Variants in PRTG observed in about 807,000 individuals in gnomAD.
The protein encoded by PRTG is immunoglobulin superfamily, DCC subclass, member 5.
PRTG carries 67 observed loss-of-function variants against 122.5 expected under a neutral mutation model. The observed-to-expected ratio is 0.55, with a 90% CI of 0.45 to 0.67. The LOEUF (loss-of-function observed/expected upper bound fraction) is 0.67, where lower values mean the gene tolerates loss of function less well. Ranked by LOEUF, PRTG falls within the 30% of genes least tolerant of loss-of-function variation. The pLI is 0.00. For synonymous variants in PRTG, 554 were observed against 501.1 expected, an observed-to-expected ratio of 1.11 and a Z score of -1.41; for missense variants, 1,435 against 1,415.4, an observed-to-expected ratio of 1.01 and a Z score of -0.22.
chr15:55,619,820 T>C lies in PRTG; in HGVS notation c.*192A>G. Reference sequence around the variant, plus strand: ...GGCTTTGGTTCCCTGTTCATTGTCCTTCGAACAGATTTAATGGTGAGAATA... The same window carrying C: ...GGCTTTGGTTCCCTGTTCATTGTCCCTCGAACAGATTTAATGGTGAGAATA... On this transcript the variant is annotated 3_prime_UTR_variant, in exon 20 of 20. Transcript: ENST00000389286. 1 of 903,992 alleles carries C rather than the reference T, an allele frequency of 1.1e-6. No homozygotes were observed. The allele number at this position is 903,992 out of a possible 1,614,324, so 56.0% of individuals were successfully genotyped here.
At chr15:55,627,326 G>GTTTTT (rs35771809) in intron 16 of PRTG, among the ~76,000 whole-genome samples, 198 bp from the exon 17 acceptor site, 3 of 131,488 alleles carry the variant, frequency 2.3e-5, no homozygotes, top group Non-Finnish European at 3.2e-5. Context: ...CAATATTAAA[G>GTTTTT]TTTTTTTTTT....
At chr15:55,726,492 G>C (rs1431798888) in intron 2 of PRTG, among the ~76,000 whole-genome samples, 1 of 152,008 alleles carries the variant, frequency 6.6e-6, no homozygotes, top group Non-Finnish European at 1.5e-5. Flanking sequence ...GAAAAAAATA[G>C]ACTTTAAGTA....
intron 14 of PRTG, 79 bp from the exon 15 acceptor site, chr15:55,637,419 G>T (rs1343874571): frequency 1.6e-6 from 2 of 1,271,672 alleles, no homozygotes; most frequent in Admixed American, 2.8e-5. Context: ...TATAGGCTTA[G>T]AAAAAAGTTC....
At chr15:55,644,983 G>A (rs1233627597) in intron 11 of PRTG, among the ~76,000 whole-genome samples, 1 of 152,072 alleles carries the variant, frequency 6.6e-6, no homozygotes, top group Non-Finnish European at 1.5e-5. Flanking sequence ...GGACAATGTG[G>A]ATTTACCACA....
At chr15:55,641,998 C>A (rs910150106) in intron 11 of PRTG, among the ~76,000 whole-genome samples, 5 of 150,190 alleles carry the variant, frequency 3.3e-5, no homozygotes, top group Non-Finnish European at 5.9e-5. Context: ...CAAGGTGAAA[C>A]CCCGTCTCTA....
At chr15:55,640,524 G>C (rs1301654731) in intron 12 of PRTG, among the ~76,000 whole-genome samples, 1 of 152,286 alleles carries the variant, frequency 6.6e-6, no homozygotes, top group South Asian at 2.1e-4. Flanking sequence ...ATCCTTCTTA[G>C]GAGCAGTACA....
rs189981508 is a variant in PRTG at position 55,737,485 on chromosome 15, T to C, written c.397+2897A>G. On this transcript the variant is annotated intron_variant, in intron 2 of 19. Coordinates refer to ENST00000389286, the MANE Select transcript of PRTG (RefSeq NM_173814.6). ...GATGTGCTTGGGAGATAAGGCTCCA[T>C]AGTGACACTTAAGGAAAGGCCTGTT... Among the ~76,000 whole-genome samples, 59 of 152,268 alleles carry C rather than the reference T, an allele frequency of 3.9e-4. 1 individual carries two copies. Among genetic ancestry groups the C allele is most frequent in the Admixed American group, 8.5e-4 (13 of 15,274 alleles).
chr15:55,700,784 A>G (rs2059659183), intron 2 of PRTG, among the ~76,000 whole-genome samples: 1 of 152,126 alleles, frequency 6.6e-6, no homozygotes, highest in Non-Finnish European at 1.5e-5. Flanking sequence ...CTCTAAAAAT[A>G]AATAAAATAA....
At chr15:55,696,874 G>C (rs1001642192) in intron 2 of PRTG, among the ~76,000 whole-genome samples, 22 of 152,188 alleles carry the variant, frequency 1.4e-4, no homozygotes, top group Admixed American at 1.3e-4. Context: ...ATCAAAATAC[G>C]TGACTAAGTA....
intron 9 of PRTG, among the ~76,000 whole-genome samples, chr15:55,675,068 T>TA (rs2141801375): frequency 6.6e-6 from 1 of 152,268 alleles, no homozygotes; most frequent in East Asian, 1.9e-4. Context: ...CCTTAAGTAG[T>TA]ATAAGCATAT....
At chr15:55,621,072 G>C (rs981780538) in intron 18 of PRTG, among the ~76,000 whole-genome samples, 1 of 152,128 alleles carries the variant, frequency 6.6e-6, no homozygotes, top group African/African-American at 2.4e-5. Context: ...CAGGCAGTAC[G>C]GCTGGGCACA....
chr15:55,694,224 T>TA (rs1448208029), intron 2 of PRTG, among the ~76,000 whole-genome samples: 4 of 152,204 alleles, frequency 2.6e-5, no homozygotes, highest in Non-Finnish European at 4.4e-5. Context: ...TTACTTTACT[T>TA]ACATTTTTTC....
chr15:55,668,481 T>C (rs958611211), intron 11 of PRTG, among the ~76,000 whole-genome samples: 1 of 152,210 alleles, frequency 6.6e-6, no homozygotes, highest in Admixed American at 6.5e-5. Context: ...TAATTTTGCT[T>C]TAGTTTATTG....
At chr15:55,733,337 C>T (rs2031300855) in intron 2 of PRTG, among the ~76,000 whole-genome samples, 1 of 151,614 alleles carries the variant, frequency 6.6e-6, no homozygotes, top group South Asian at 2.1e-4. Flanking sequence ...GTGGAGAAAC[C>T]CTGTCTCTAC....
At chr15:55,736,331 T>A (rs2031411232) in intron 2 of PRTG, among the ~76,000 whole-genome samples, 1 of 151,970 alleles carries the variant, frequency 6.6e-6, no homozygotes, top group African/African-American at 2.4e-5. Context: ...AAATCTAGCA[T>A]ATAGTCTCAC....
At chr15:55,665,795 T>C (rs1324609635) in intron 11 of PRTG, among the ~76,000 whole-genome samples, 1 of 152,158 alleles carries the variant, frequency 6.6e-6, no homozygotes, top group African/African-American at 2.4e-5. Flanking sequence ...CTTCAAGTGA[T>C]CCACCCACAT....
chr15:55,739,688 A>G (rs1350016263), intron 2 of PRTG, among the ~76,000 whole-genome samples: 1 of 152,208 alleles, frequency 6.6e-6, no homozygotes, highest in Admixed American at 6.5e-5. Context: ...CCACCAAGCA[A>G]TGGATCACTT....
chr15:55,725,112 T>A (rs1420543037), intron 2 of PRTG, among the ~76,000 whole-genome samples: 1 of 152,200 alleles, frequency 6.6e-6, no homozygotes, highest in Non-Finnish European at 1.5e-5. Flanking sequence ...TACATCTATA[T>A]CACTATCTAT....
intron 11 of PRTG, among the ~76,000 whole-genome samples, chr15:55,648,933 C>G (rs1205366483): frequency 2.6e-5 from 4 of 151,804 alleles, no homozygotes; most frequent in Non-Finnish European, 5.9e-5. Flanking sequence ...CCCGTCTCTA[C>G]TAAAAATACA....
Sources: gnomAD v4.1 joint callset for allele counts (sites outside exome capture counted in the v4.1 genomes callset) on GRCh38, gnomAD v4.1.1 for gene constraint, MANE v1.5 for transcripts, NCBI Gene and HGNC (gene_info 2026-07-23, HGNC 2026-07-21) for gene names.